The following PIGK variants were observed in gnomAD, a reference collection of about 807,000 sequenced individuals.
PIGK encodes the protein GPI-anchor transamidase.
In PIGK, 42 loss-of-function variants were observed where a neutral mutation model predicts 50.6. The ratio of observed to expected loss-of-function variants is 0.83; its 90% CI spans 0.65 to 1.07. The LOEUF (loss-of-function observed/expected upper bound fraction) is 1.07. Among genes scored for constraint, PIGK ranks in the 50% least tolerant of loss-of-function variants. The probability of loss-of-function intolerance (pLI) is 0.00; values close to 1 mark genes in which losing one functional copy is unlikely to be tolerated. For missense variants in PIGK, 448 were observed against 488.7 expected, an observed-to-expected ratio of 0.92 and a Z score of 0.78; for synonymous variants, 151 against 156.0, an observed-to-expected ratio of 0.97 and a Z score of 0.24.
At chr1:77,126,147 C>G (rs1570202316) in intron 9 of PIGK, among the ~76,000 whole-genome samples, 1 of 151,994 alleles carries the variant, frequency 6.6e-6, no homozygotes, top group Non-Finnish European at 1.5e-5. Flanking sequence ...ATAGGTTATT[C>G]GTGTTCAGAT....
chr1:77,129,528 T>C, intron 9 of PIGK: 2 of 1,345,180 alleles, frequency 1.5e-6, no homozygotes, highest in Non-Finnish European at 2.1e-6. Flanking sequence ...GATTAACCCA[T>C]ACATGAGCTC....
intron 9 of PIGK, among the ~76,000 whole-genome samples, chr1:77,146,503 A>T: frequency 6.6e-6 from 1 of 152,100 alleles, no homozygotes; most frequent in Non-Finnish European, 1.5e-5. Flanking sequence ...CTCTAAAAAA[A>T]ATGTAAAAGA....
chr1:77,109,442 A>C (rs1225591121), intron 10 of PIGK, among the ~76,000 whole-genome samples: 1 of 152,202 alleles, frequency 6.6e-6, no homozygotes, highest in Non-Finnish European at 1.5e-5. Flanking sequence ...CTGGGATGCA[A>C]GGCTGGTTCA....
chr1:77,190,906 T>A (rs771623338), intron 3 of PIGK, among the ~76,000 whole-genome samples: 42 of 152,132 alleles, frequency 2.8e-4, no homozygotes, highest in Non-Finnish European at 5.1e-4. Context: ...CTTCAAATAT[T>A]CCCCAATGTT....
At chr1:77,107,039 G>A (rs34377928) in intron 10 of PIGK, among the ~76,000 whole-genome samples, 17,167 of 152,056 alleles carry the variant, frequency 0.11, 1,317 homozygotes, top group African/African-American at 0.21. Context: ...CAAAAAAACA[G>A]CTCCTGGATT....
intron 3 of PIGK, among the ~76,000 whole-genome samples, chr1:77,175,684 T>C (rs1431008316): frequency 6.6e-6 from 1 of 152,160 alleles, no homozygotes; most frequent in African/African-American, 2.4e-5. Flanking sequence ...GTGGAAGGTT[T>C]GTAAAAATTA....
chr1:77,103,959 T>C (rs1456157915), intron 10 of PIGK, among the ~76,000 whole-genome samples: 2 of 151,672 alleles, frequency 1.3e-5, no homozygotes. Context: ...GGACAGACCT[T>C]GTAAGATACA....
intron 3 of PIGK, among the ~76,000 whole-genome samples, chr1:77,184,185 C>T (rs887148815): frequency 6.6e-6 from 1 of 152,090 alleles, no homozygotes; most frequent in African/African-American, 2.4e-5. Flanking sequence ...TGGTGTAGAG[C>T]TCTGGCACTG....
intron 3 of PIGK, among the ~76,000 whole-genome samples, chr1:77,203,670 G>A (rs766321567): frequency 7.2e-5 from 11 of 151,920 alleles, no homozygotes; most frequent in Non-Finnish European, 8.8e-5. Flanking sequence ...CAGGGACCCC[G>A]AACAGAGGGA....
At chr1:77,094,175 G>A (rs7537634) in intron 10 of PIGK, among the ~76,000 whole-genome samples, 147,936 of 152,256 alleles carry the variant, frequency 0.97, 71,892 homozygotes, top group East Asian at 1. Flanking sequence ...AAAGGTTACC[G>A]TTATTCATTA....
intron 3 of PIGK, among the ~76,000 whole-genome samples, chr1:77,171,717 CAG>C (rs1655367038): frequency 1.3e-5 from 2 of 151,984 alleles, no homozygotes; most frequent in Non-Finnish European, 2.9e-5. Flanking sequence ...AGTTGGGAAA[CAG>C]AATGGATTTC....
intron 9 of PIGK, among the ~76,000 whole-genome samples, chr1:77,137,599 G>GAATTT (rs140543772): frequency 0.037 from 5,567 of 151,160 alleles, 201 homozygotes; most frequent in South Asian, 0.21. Flanking sequence ...TCTTTTATTT[G>GAATTT]TATTTTATTT....
At chr1:77,153,504 A>C (rs1654939836) in intron 9 of PIGK, 1 of 152,190 alleles carries the variant, frequency 6.6e-6, no homozygotes, top group Admixed American at 6.5e-5. Flanking sequence ...AATGTACCCA[A>C]CACAAAGAAA....
chr1:77,101,777 G>A (rs751533328), intron 10 of PIGK, among the ~76,000 whole-genome samples: 23 of 152,242 alleles, frequency 1.5e-4, no homozygotes, highest in Non-Finnish European at 2.5e-4. Flanking sequence ...ATGCCAAGGC[G>A]GGTGAATCAC....
Position 77,161,622 on chromosome 1 carries a change from C to G in PIGK, c.674G>C (p.Ser225Thr), listed in dbSNP as rs778391770. ...FYSPNIMALA[S>T]SQVGEDSLSH... ...GAGTGAATCTTCTCCCACTTGACTA[C>G]TAGCTAGAGCCATTATGTTAGGAGA... Residue 225 changes from serine (S) to threonine (T), a missense_variant, in exon 7 of 11, where the codon AGT (serine) becomes ACT (threonine). Transcript: ENST00000370812. 1 of 1,545,954 alleles carries G rather than the reference C, an allele frequency of 6.5e-7. No individual in the cohort carries two copies. Among genetic ancestry groups the G allele is most frequent in the Admixed American group, 1.7e-5 (1 of 59,940 alleles).
intron 5 of PIGK, among the ~76,000 whole-genome samples, chr1:77,164,674 G>A (rs945393615): frequency 1.3e-5 from 2 of 151,908 alleles, no homozygotes; most frequent in Admixed American, 1.3e-4. Context: ...ATACAACCCT[G>A]TGGTAGGGCA....
chr1:77,115,987 G>A (rs2100523405), intron 10 of PIGK, among the ~76,000 whole-genome samples: 1 of 152,192 alleles, frequency 6.6e-6, no homozygotes, highest in East Asian at 1.9e-4. Context: ...AGAACACAGT[G>A]GGGAAAACAA....
chr1:77,207,157 A>T (rs756941053), intron 2 of PIGK, among the ~76,000 whole-genome samples: 1 of 152,096 alleles, frequency 6.6e-6, no homozygotes, highest in African/African-American at 2.4e-5. Context: ...ACAGAGCAAG[A>T]CTCTGTCTCA....
intron 8 of PIGK, among the ~76,000 whole-genome samples, chr1:77,155,034 C>T (rs1654978850): frequency 6.6e-6 from 1 of 152,128 alleles, no homozygotes; most frequent in African/African-American, 2.4e-5. Flanking sequence ...CCTCTTGATT[C>T]AAACTTCAAA....
Sources: allele counts gnomAD v4.1 joint callset (sites outside exome capture counted in the v4.1 genomes callset), GRCh38; gene constraint gnomAD v4.1.1; transcripts MANE v1.5; gene names NCBI Gene and HGNC (gene_info 2026-07-23, HGNC 2026-07-21).